Variants in PGBD5 observed in about 807,000 individuals in gnomAD.
PGBD5 encodes piggyBac transposable element-derived protein 5.
PGBD5 carries 14 observed loss-of-function variants against 47.9 expected under a neutral mutation model. That is an observed-to-expected ratio of 0.29 (90% CI 0.19 to 0.46). The LOEUF is 0.46. Ranked by LOEUF, PGBD5 falls within the 20% of genes least tolerant of loss-of-function variation. PGBD5 has a pLI of 1.00. For synonymous variants in PGBD5, 316 were observed against 306.3 expected (o/e 1.03, Z -0.33); for missense variants, 635 against 716.0 (o/e 0.89, Z 1.29).
intron 2 of PGBD5, among the ~76,000 whole-genome samples, chr1:230,353,185 A>T (rs1372486638): frequency 6.6e-6 from 1 of 152,132 alleles, no homozygotes; most frequent in East Asian, 1.9e-4. Context: ...CAGAAAAACC[A>T]CTTGCTTCTC....
rs78780755 is a variant in PGBD5 at position 230,328,199 on chromosome 1, T to C, written c.1274-2784A>G. On this transcript the variant is annotated intron_variant, in intron 5 of 6. Coordinates refer to ENST00000391860, the MANE Select transcript of PGBD5 (RefSeq NM_001258311.2). ...TCAGCCCAATAAGAGCAGAGGCTCCTGGACTGTCACTGTCCCAATCTACCT... is the reference window on the plus strand; with the variant it reads ...TCAGCCCAATAAGAGCAGAGGCTCCCGGACTGTCACTGTCCCAATCTACCT... 4.0e-3 allele frequency among the ~76,000 whole-genome samples: 606 copies of C among 152,344 alleles called. 8 individuals carry two copies. The East Asian group carries it at 0.052, about 13-fold the overall frequency.
chr1:230,336,941 C>T (rs1460739747), intron 4 of PGBD5, among the ~76,000 whole-genome samples, 167 bp downstream of exon 4: 1 of 152,232 alleles, frequency 6.6e-6, no homozygotes, highest in Non-Finnish European at 1.5e-5. Flanking sequence ...CGGGATCCAG[C>T]ACACAGGGTG....
intron 1 of PGBD5, among the ~76,000 whole-genome samples, chr1:230,361,361 C>T (rs1187840119): frequency 6.6e-6 from 1 of 152,122 alleles, no homozygotes; most frequent in Non-Finnish European, 1.5e-5. Context: ...GGAGGTGCTG[C>T]TTGGGTGTGC....
At chr1:230,390,816 T>C (rs1397419208) in intron 1 of PGBD5, among the ~76,000 whole-genome samples, 2 of 152,140 alleles carry the variant, frequency 1.3e-5, no homozygotes, top group African/African-American at 4.8e-5. Flanking sequence ...CTTGGCTCAC[T>C]GCAACCTCTG....
chr1:230,357,092 G>A lies in PGBD5; in HGVS notation c.561C>T (p.Ser187=), dbSNP rs1488846818. 11 of 1,614,180 alleles carry A rather than the reference G, an allele frequency of 6.8e-6. No individual in the cohort carries two copies. The East Asian group carries it at 2.5e-4, about 36-fold the overall frequency. Residue 187 remains serine (S), a synonymous_variant, in exon 2 of 7, where the codon AGC becomes AGT. Coordinates refer to ENST00000391860, the MANE Select transcript of PGBD5 (RefSeq NM_001258311.2). This position sits in a 1 kb window ranked among gnomAD's most constrained non-coding sequence, Gnocchi z 5.7. ...TSISHCESVL[S]IWSGGFYSNR... ...TGCTGTAGAAGCCTCCGCTCCAGAT[G>A]CTGAGGACGGACTCGCAGTGGGAGA...
At position 230,425,460 on chromosome 1, in the gene PGBD5, T is replaced by C; in HGVS notation, c.331+138A>G. 1 of 627,270 alleles carries C rather than the reference T, an allele frequency of 1.6e-6. No homozygotes were observed. Among genetic ancestry groups the C allele is most frequent in the Non-Finnish European group, 2.3e-6 (1 of 444,142 alleles). The allele number at this position is 627,270 out of a possible 1,614,324, so 38.9% of individuals were successfully genotyped here. A position where few individuals can be genotyped will look rare whatever the true frequency, so the allele number is the denominator to read the frequency against. ...GAGCAGTCAGACCGATCACCGCTCC[T>C]GCAGCCTCATTTGTTTCCGGAGAGA... On this transcript the variant is annotated intron_variant, in intron 1 of 6. Coordinates refer to ENST00000391860, the MANE Select transcript of PGBD5 (RefSeq NM_001258311.2). The surrounding 1 kb of genome is among the most constrained non-coding windows in gnomAD (Gnocchi z 4.7).
At chr1:230,367,932 A>C in intron 1 of PGBD5, 1 of 1,362,072 alleles carries the variant, frequency 7.3e-7, no homozygotes, top group Non-Finnish European at 9.8e-7. Context: ...AACTTGCTCA[A>C]GGTCACGCAA....
At chr1:230,364,453 A>G (rs1667795642) in intron 1 of PGBD5, among the ~76,000 whole-genome samples, 1 of 152,244 alleles carries the variant, frequency 6.6e-6, no homozygotes, top group Non-Finnish European at 1.5e-5. Context: ...CTTAGAAAAC[A>G]TGCAGAAACT....
intron 1 of PGBD5, among the ~76,000 whole-genome samples, chr1:230,416,529 G>A (rs746971901): frequency 3.3e-5 from 5 of 152,206 alleles, no homozygotes; most frequent in African/African-American, 4.8e-5. Flanking sequence ...TGCTAGGAGA[G>A]ACCAGAGGGA....
At chr1:230,370,507 G>C (rs1278957945) in intron 1 of PGBD5, among the ~76,000 whole-genome samples, 1 of 152,200 alleles carries the variant, frequency 6.6e-6, no homozygotes, top group African/African-American at 2.4e-5. Context: ...CTTGTGTTCT[G>C]TCTGCTTTGC....
At chr1:230,350,071 G>T (rs986490030) in intron 3 of PGBD5, among the ~76,000 whole-genome samples, 1 of 152,238 alleles carries the variant, frequency 6.6e-6, no homozygotes, top group Non-Finnish European at 1.5e-5. Flanking sequence ...CTGTAGTTCA[G>T]GGAAAGATGG....
chr1:230,368,011 GCCACA>G (rs768923075), intron 1 of PGBD5: 238 of 1,367,720 alleles, frequency 1.7e-4, no homozygotes, highest in Non-Finnish European at 2.2e-4. Context: ...TCTTCCCCAC[GCCACA>G]CCACACCCCA....
Position 230,337,187 on chromosome 1 carries a change from G to A in PGBD5, c.996C>T (p.Asn332=), listed in dbSNP as rs370784342. The change falls in exon 4 of 7, where the codon AAC becomes AAT. Residue 332 remains asparagine (N), a synonymous_variant. Transcript: ENST00000391860. ...AAATGATGTAGTTCTTGCCTGCCGC[G>A]TTCCGGCACAGGCTCCTGGCCACCA... ...HSMVARSLCR[N]AAGKNYIIFT... The A allele has an allele frequency of 2.9e-5, 47 of 1,614,194 alleles. No individual in the cohort carries two copies. The Middle Eastern group carries it at 8.2e-4, about 28-fold the overall frequency.
chr1:230,354,324 C>G (rs1667602984), intron 2 of PGBD5, among the ~76,000 whole-genome samples: 1 of 152,074 alleles, frequency 6.6e-6, no homozygotes, highest in Non-Finnish European at 1.5e-5. Context: ...CTGTTTGCCC[C>G]CCAGGGTCAC....
intron 1 of PGBD5, among the ~76,000 whole-genome samples, chr1:230,423,029 A>T (rs1229428101): frequency 6.6e-6 from 1 of 152,128 alleles, no homozygotes; most frequent in Non-Finnish European, 1.5e-5. Context: ...GATTAAAAAA[A>T]AAAAAACCAA....
intron 5 of PGBD5, 108 bp from the exon 6 acceptor site, chr1:230,325,523 G>A: frequency 2.7e-6 from 2 of 749,834 alleles, no homozygotes; most frequent in Middle Eastern, 4.8e-4. Context: ...TTAATAATGA[G>A]CAGAGGAGGA....
chr1:230,387,569 C>G (rs1194465539), intron 1 of PGBD5, among the ~76,000 whole-genome samples: 1 of 152,192 alleles, frequency 6.6e-6, no homozygotes, highest in African/African-American at 2.4e-5. Flanking sequence ...AAAAAAGAGA[C>G]TCACCTTGTT....
intron 1 of PGBD5, among the ~76,000 whole-genome samples, chr1:230,384,108 A>T (rs1364886371): frequency 1.3e-5 from 2 of 152,212 alleles, no homozygotes; most frequent in Admixed American, 6.5e-5. Context: ...TCTTTGGGGG[A>T]ATACTTTTTG....
chr1:230,331,686 G>A (rs1667219596), intron 5 of PGBD5, among the ~76,000 whole-genome samples: 1 of 150,418 alleles, frequency 6.6e-6, no homozygotes, highest in Non-Finnish European at 1.5e-5. Flanking sequence ...GGTAGATGGG[G>A]ATCTTTCTAT....
Sources: allele counts gnomAD v4.1 joint callset (sites outside exome capture counted in the v4.1 genomes callset), GRCh38; gene constraint gnomAD v4.1.1; non-coding constraint Gnocchi (gnomAD v3.1); transcripts MANE v1.5; gene names NCBI Gene and HGNC (gene_info 2026-07-23, HGNC 2026-07-21).